BNC2: variants seen among roughly 807,000 people sequenced by gnomAD.
BNC2 encodes the protein basonuclin zinc finger protein 2, also known as zinc finger protein basonuclin-2.
Under a neutral mutation model 76.3 loss-of-function variants are expected in BNC2, and 20 were observed. The observed-to-expected ratio is 0.26, with a 90% confidence interval of 0.18 to 0.38. The LOEUF (loss-of-function observed/expected upper bound fraction) is 0.38, where lower values mean the gene tolerates loss of function less well. Among genes scored for constraint, BNC2 ranks in the 10% least tolerant of loss-of-function variants. The pLI is 1.00. For missense variants in BNC2, 1,382 were observed against 1,399.8 expected, an observed-to-expected ratio of 0.99 and a Z score of 0.20; for synonymous variants, 582 against 514.8, an observed-to-expected ratio of 1.13 and a Z score of -1.77.
In BNC2 at chr9:16,556,194, G is replaced by C. The variant is rs562735432; in HGVS notation, c.434-3429C>G. 2.0e-5 allele frequency among the ~76,000 whole-genome samples: 3 copies of C among 152,184 alleles called. No homozygotes were observed. In the South Asian group the frequency reaches 6.2e-4, roughly 32 times the overall value. On this transcript the variant is annotated intron_variant, in intron 4 of 6. Transcript: ENST00000380672. ...AGTCCCAGCTACTTGGGAGGCTGAT[G>C]GGGGAGGACTGCTTGGGCCCTGGGG...
intron 3 of BNC2, among the ~76,000 whole-genome samples, chr9:16,655,480 T>TC (rs1821904434): frequency 6.6e-6 from 1 of 152,074 alleles, no homozygotes; most frequent in Admixed American, 6.5e-5. Flanking sequence ...GTATTACAGT[T>TC]CCTCCTTGAC....
intron 3 of BNC2, among the ~76,000 whole-genome samples, chr9:16,691,488 C>T (rs551134508): frequency 4.4e-4 from 65 of 146,172 alleles, no homozygotes; most frequent in African/African-American, 1.6e-3. Context: ...ACCAGATCCA[C>T]GGATGGGTAT....
At chr9:16,602,952 C>T (rs992069345) in intron 3 of BNC2, among the ~76,000 whole-genome samples, 1 of 152,138 alleles carries the variant, frequency 6.6e-6, no homozygotes, top group African/African-American at 2.4e-5. Context: ...ATAGAAGATG[C>T]CATCTTACTG....
chr9:16,471,560 A>G (rs770871756), intron 5 of BNC2, among the ~76,000 whole-genome samples: 48 of 152,118 alleles, frequency 3.2e-4, no homozygotes, highest in Admixed American at 7.2e-4. Flanking sequence ...CCAAAGTGCC[A>G]GGATTACAGG....
chr9:16,861,218 G>A (rs1240805560), intron 1 of BNC2, among the ~76,000 whole-genome samples: 1 of 136,694 alleles, frequency 7.3e-6, no homozygotes, highest in African/African-American at 3.0e-5. Context: ...ACCAGGCATC[G>A]TGGCTTGCAC....
At chr9:16,451,043 G>A (rs1821329016) in intron 5 of BNC2, among the ~76,000 whole-genome samples, 1 of 123,442 alleles carries the variant, frequency 8.1e-6, no homozygotes, top group African/African-American at 3.7e-5. Context: ...GCTGAGTAAA[G>A]TGAATTTCTA....
At chr9:16,796,254 T>G (rs10962601) in intron 1 of BNC2, among the ~76,000 whole-genome samples, 15,650 of 152,302 alleles carry the variant, frequency 0.1, 1,025 homozygotes, top group Admixed American at 0.22. Flanking sequence ...TTCTTTTCAA[T>G]TAATATAGCA....
chr9:16,771,046 G>A (rs1263173725), intron 1 of BNC2, among the ~76,000 whole-genome samples: 2 of 152,128 alleles, frequency 1.3e-5, no homozygotes, highest in African/African-American at 2.4e-5. Flanking sequence ...CCGCATGCCT[G>A]TAATCCCAGC....
rs1463393209 is a variant in BNC2 at position 16,436,567 on chromosome 9, T to C, written c.1627A>G (p.Thr543Ala). The C allele has an allele frequency of 6.2e-7, 1 of 1,613,286 alleles. No individual in the cohort carries two copies. Among genetic ancestry groups the C allele is most frequent in the Non-Finnish European group, 8.5e-7 (1 of 1,179,876 alleles). Residue 543 changes from threonine to alanine, a missense_variant, in exon 6 of 7, where the codon ACT (threonine) becomes GCT (alanine). Thr to Ala is a moderately conservative substitution (Grantham distance 58). Transcript: ENST00000380672. Reference sequence around the variant, plus strand: ...TGCAAGACAGGGTCTAGAGGGGGAGTGGTAAAACCCATTGGGGGTCGGCCA... The same window carrying C: ...TGCAAGACAGGGTCTAGAGGGGGAGCGGTAAAACCCATTGGGGGTCGGCCA... Reference protein sequence around the residue: ...SPGRPPMGFTTPPLDPVLQNP... With the variant: ...SPGRPPMGFTAPPLDPVLQNP...
intron 5 of BNC2, among the ~76,000 whole-genome samples, chr9:16,534,362 T>C (rs183016772): frequency 5.1e-4 from 78 of 152,272 alleles, no homozygotes; most frequent in African/African-American, 1.8e-3. Flanking sequence ...TGTACCATGG[T>C]TGCAAAACCA....
At chr9:16,655,660 A>G (rs986623406) in intron 3 of BNC2, among the ~76,000 whole-genome samples, 3 of 152,242 alleles carry the variant, frequency 2.0e-5, no homozygotes, top group Non-Finnish European at 4.4e-5. Context: ...CTAACAAAAG[A>G]TATTATACAA....
chr9:16,587,655 T>C (rs1020010897), intron 3 of BNC2, among the ~76,000 whole-genome samples: 2 of 152,176 alleles, frequency 1.3e-5, no homozygotes, highest in Non-Finnish European at 2.9e-5. Context: ...TTCACCCTCC[T>C]GTCAGATTCT....
chr9:16,491,585 G>A (rs1822281861), intron 5 of BNC2, among the ~76,000 whole-genome samples: 1 of 152,198 alleles, frequency 6.6e-6, no homozygotes, highest in African/African-American at 2.4e-5. Flanking sequence ...TGGGAAATGG[G>A]AGGAAGGCTT....
chr9:16,433,655 A>T (rs1221385111), intron 6 of BNC2, among the ~76,000 whole-genome samples: 3 of 152,232 alleles, frequency 2.0e-5, no homozygotes, highest in Non-Finnish European at 4.4e-5. Context: ...TAAATATACA[A>T]GCGCTTGCGT....
intron 5 of BNC2, among the ~76,000 whole-genome samples, chr9:16,502,615 C>T (rs542142657): frequency 2.0e-5 from 3 of 152,234 alleles, no homozygotes; most frequent in Admixed American, 6.5e-5. Flanking sequence ...CTGCACTTAG[C>T]TTTCTGTCTG....
intron 3 of BNC2, among the ~76,000 whole-genome samples, chr9:16,616,686 C>T (rs1306470854): frequency 1.5e-5 from 2 of 134,448 alleles, no homozygotes; most frequent in African/African-American, 5.6e-5. Context: ...GAGATCCTCT[C>T]TCAAAAAAAA....
chr9:16,698,763 T>A lies in BNC2; in HGVS notation c.330+29034A>T, dbSNP rs142358372. On this transcript the variant is annotated intron_variant, in intron 3 of 6. Transcript: ENST00000380672. The stretch of plus-strand genomic sequence containing the variant: ...AAGATACTTAGGATAACAATGCATT[T>A]TTTAAAAGTCACATATACATGTAAC... 5.1e-3 allele frequency among the ~76,000 whole-genome samples: 784 copies of A among 152,286 alleles called. 8 individuals are homozygous for A. Among genetic ancestry groups the A allele is most frequent in the Admixed American group, 8.8e-3 (135 of 15,290 alleles).
chr9:16,807,418 T>C (rs1817941213), intron 1 of BNC2, among the ~76,000 whole-genome samples: 1 of 152,218 alleles, frequency 6.6e-6, no homozygotes, highest in Admixed American at 6.5e-5. Flanking sequence ...TAAGATACCA[T>C]ATTATTACAT....
chr9:16,660,761 CA>C (rs1465905366), intron 3 of BNC2, among the ~76,000 whole-genome samples: 4 of 151,902 alleles, frequency 2.6e-5, no homozygotes, highest in Non-Finnish European at 5.9e-5. Flanking sequence ...AAAAAAATAA[CA>C]ACACAACAAT....
Sources: gnomAD v4.1 joint callset for allele counts (sites outside exome capture counted in the v4.1 genomes callset) on GRCh38, gnomAD v4.1.1 for gene constraint, MANE v1.5 for transcripts, NCBI Gene and HGNC (gene_info 2026-07-23, HGNC 2026-07-21) for gene names.